VPS50: variants seen among roughly 807,000 people sequenced by gnomAD.
VPS50 encodes syndetin.
VPS50 carries 70 observed loss-of-function variants against 139.7 expected under a neutral mutation model. The ratio of observed to expected loss-of-function variants is 0.50; its 90% CI spans 0.41 to 0.61. The LOEUF (loss-of-function observed/expected upper bound fraction) is 0.61. VPS50 is among the 20% of genes least tolerant of loss of function. The probability of loss-of-function intolerance (pLI) is 0.00; values close to 1 mark genes in which losing one functional copy is unlikely to be tolerated. For synonymous variants in VPS50, 365 were observed against 376.7 expected, an observed-to-expected ratio of 0.97 and a Z score of 0.36; for missense variants, 921 against 1,133.7, an observed-to-expected ratio of 0.81 and a Z score of 2.69.
At chr7:93,263,846 GAAAA>G (rs1795760328) in intron 9 of VPS50, among the ~76,000 whole-genome samples, 2 of 151,504 alleles carry the variant, frequency 1.3e-5, no homozygotes, top group Admixed American at 1.3e-4. Flanking sequence ...TATTTGGAAA[GAAAA>G]AACAGCAACA....
At chr7:93,281,138 T>G (rs1354881602) in intron 12 of VPS50, among the ~76,000 whole-genome samples, 1 of 152,184 alleles carries the variant, frequency 6.6e-6, no homozygotes, top group Non-Finnish European at 1.5e-5. Context: ...GAGCACCTTC[T>G]CTGAGCCATG....
At chr7:93,253,632 C>G (rs556358814) in intron 3 of VPS50, among the ~76,000 whole-genome samples, 1 of 152,106 alleles carries the variant, frequency 6.6e-6, no homozygotes, top group Non-Finnish European at 1.5e-5. Flanking sequence ...GTGGGGGTAA[C>G]AAGGCTGAAT....
rs760181695 is a variant in VPS50 at position 93,358,400 on chromosome 7, A to G, written c.2859A>G (p.Leu953=). The G allele has an allele frequency of 1.9e-6, 3 of 1,611,532 alleles. No homozygotes were observed. The highest frequency in any genetic ancestry group is 1.3e-5 in the African/African-American group (1 of 74,828). ...ATAAGAAAGCAAGACAAAAACTTCT[A>G]GCAGCTATAGATGATATAGACAGAC... ...HINKKARQKL[L]AAIDDIDRPK... is the part of the protein sequence containing the mutation. The change falls in exon 28 of 28, where the codon CTA becomes CTG. Residue 953 remains leucine (L), a synonymous_variant. Coordinates refer to ENST00000305866, the MANE Select transcript of VPS50 (RefSeq NM_017667.4).
chr7:93,342,233 C>G (rs1386829353), intron 23 of VPS50, among the ~76,000 whole-genome samples: 2 of 152,222 alleles, frequency 1.3e-5, no homozygotes, highest in Admixed American at 1.3e-4. Flanking sequence ...ACCTGCAAAT[C>G]TGGGTCACTC....
chr7:93,270,353 G>A lies in VPS50; in HGVS notation c.660-867G>A, dbSNP rs568917439. Among the ~76,000 whole-genome samples, 12 of 151,920 alleles carry A rather than the reference G, an allele frequency of 7.9e-5. No homozygotes were observed. The South Asian group carries it at 2.5e-3, about 32-fold the overall frequency. On this transcript the variant is annotated intron_variant, in intron 9 of 27. Transcript: ENST00000305866. ...GTTCTGGCTTCTGTCACCAAAATTA[G>A]TTTTGCTTGTTTAGAACTTTAAATA... is the stretch of plus-strand genomic sequence containing the variant.
intron 2 of VPS50, among the ~76,000 whole-genome samples, chr7:93,251,474 A>G (rs1457100564): frequency 2.1e-5 from 3 of 142,754 alleles, no homozygotes; most frequent in Non-Finnish European, 3.1e-5. Context: ...GAGTTGAACA[A>G]TGAGAACACA....
chr7:93,353,008 C>G (rs1475857878), intron 25 of VPS50, among the ~76,000 whole-genome samples: 1 of 152,016 alleles, frequency 6.6e-6, no homozygotes, highest in Admixed American at 6.6e-5. Flanking sequence ...GTCATTGGAG[C>G]ATTTCAGAAT....
chr7:93,304,969 C>G (rs182277934), intron 17 of VPS50, among the ~76,000 whole-genome samples: 1 of 151,912 alleles, frequency 6.6e-6, no homozygotes, highest in East Asian at 1.9e-4. Flanking sequence ...TTTAATACAA[C>G]AAGCCAATGT....
At chr7:93,294,391 CTATTGTTTGA>C (rs1796740311) in intron 13 of VPS50, among the ~76,000 whole-genome samples, 144 bp from the exon 14 acceptor site, 1 of 152,140 alleles carries the variant, frequency 6.6e-6, no homozygotes. Context: ...AGTCTAATAC[CTATTGTTTGA>C]TATTGTTTTG....
Position 93,297,371 on chromosome 7 carries a change from T to C in VPS50, c.1361+128T>C. 3 of 1,007,894 alleles carry C rather than the reference T, an allele frequency of 3.0e-6. No individual in the cohort carries two copies. The African/African-American group carries it at 5.1e-5, about 17-fold the overall frequency. 62.4% of individuals were successfully genotyped at this position (1,007,894 alleles called of 1,614,324 possible). Reference sequence around the variant, plus strand: ...TGAATTTGAATGTGTTGTAGCTTTTTTAAGATGGTTAAGGATTTTTTTAAC... The same window carrying C: ...TGAATTTGAATGTGTTGTAGCTTTTCTAAGATGGTTAAGGATTTTTTTAAC... On this transcript the variant is annotated intron_variant, in intron 16 of 27. Coordinates refer to ENST00000305866, the MANE Select transcript of VPS50 (RefSeq NM_017667.4).
rs1361264750 is a variant in VPS50 at position 93,350,035 on chromosome 7, C to T, written c.2463+2C>T. 2.5e-6 allele frequency: 4 copies of T among 1,608,448 alleles called. No homozygotes were observed. Among genetic ancestry groups the T allele is most frequent in the Non-Finnish European group, 3.4e-6 (4 of 1,176,482 alleles). On this transcript the variant is annotated splice_donor_variant, in intron 25 of 27. Coordinates refer to ENST00000305866, the MANE Select transcript of VPS50 (RefSeq NM_017667.4). LOFTEE classifies it low-confidence loss of function (GC_TO_GT_DONOR). ...ATATATGTAGATGCACTATTAAAGG[C>T]AAGTGTTCTGGGAAGCACCTGTGCT...
chr7:93,299,121 A>G (rs1796899714), intron 16 of VPS50, among the ~76,000 whole-genome samples: 1 of 152,212 alleles, frequency 6.6e-6, no homozygotes. Flanking sequence ...ACAAAAGTTT[A>G]AGGTAGTCTA....
In VPS50 at chr7:93,276,696, G is replaced by A. The variant is rs143235978; in HGVS notation, c.942+391G>A. Among the ~76,000 whole-genome samples, 30 of 152,300 alleles carry A rather than the reference G, an allele frequency of 2.0e-4. No homozygotes were observed. The East Asian group carries it at 4.6e-3, about 23-fold the overall frequency. ...ATGAATGCTGCCTTTGTCAGCATCTGTAACTGGTTTTTTCTTTTTCTTTTT... is the reference window on the plus strand; with the variant it reads ...ATGAATGCTGCCTTTGTCAGCATCTATAACTGGTTTTTTCTTTTTCTTTTT... On this transcript the variant is annotated intron_variant, in intron 12 of 27. Transcript: ENST00000305866.
chr7:93,262,550 T>C (rs1795717789), intron 9 of VPS50, among the ~76,000 whole-genome samples: 1 of 152,260 alleles, frequency 6.6e-6, no homozygotes, highest in African/African-American at 2.4e-5. Context: ...AGAATTGGTC[T>C]TATTCTCTGC....
chr7:93,257,766 G>C, intron 6 of VPS50: 1 of 250,956 alleles, frequency 4.0e-6, no homozygotes, highest in Non-Finnish European at 7.4e-6. Context: ...GTTACAGGCT[G>C]TGATTTTTTA....
chr7:93,282,452 G>A (rs1015906575), intron 12 of VPS50, among the ~76,000 whole-genome samples: 7 of 152,188 alleles, frequency 4.6e-5, no homozygotes, highest in African/African-American at 1.7e-4. Context: ...AAATTGCATT[G>A]TCTGTCAAAG....
chr7:93,263,350 T>C (rs1331931659), intron 9 of VPS50, among the ~76,000 whole-genome samples: 1 of 152,244 alleles, frequency 6.6e-6, no homozygotes, highest in East Asian at 1.9e-4. Flanking sequence ...TAATTCTTGT[T>C]GATAACTAGA....
At chr7:93,310,466 GT>G (rs138520142) in intron 19 of VPS50, among the ~76,000 whole-genome samples, 2,523 of 148,068 alleles carry the variant, frequency 0.017, 77 homozygotes, top group African/African-American at 0.056. Flanking sequence ...AAATTTAGGG[GT>G]TTTTTTTTTC....
At chr7:93,291,868 T>A in intron 13 of VPS50, 33 bp downstream of exon 13, 1 of 1,446,960 alleles carries the variant, frequency 6.9e-7, no homozygotes, top group South Asian at 1.3e-5. Context: ...TTTTAAAAAT[T>A]GAACTATAAA....
Sources: gnomAD v4.1 joint callset for allele counts (sites outside exome capture counted in the v4.1 genomes callset) on GRCh38, gnomAD v4.1.1 for gene constraint, MANE v1.5 for transcripts, NCBI Gene and HGNC (gene_info 2026-07-23, HGNC 2026-07-21) for gene names.